The following CCDC57 variants were observed in gnomAD, a reference collection of about 807,000 sequenced individuals.
CCDC57 encodes coiled-coil domain-containing protein 57.
A neutral mutation model predicts 118.9 loss-of-function variants in CCDC57; 118 were observed. The observed-to-expected ratio is 0.99, with a 90% confidence interval of 0.86 to 1.16. The LOEUF (loss-of-function observed/expected upper bound fraction) is 1.16, where lower values mean the gene tolerates loss of function less well. Ranked by LOEUF, CCDC57 falls within the 50% of genes most tolerant of loss-of-function variation. The probability of loss-of-function intolerance (pLI) is 0.00; values close to 1 mark genes in which losing one functional copy is unlikely to be tolerated. For synonymous variants in CCDC57, 527 were observed against 532.9 expected, an observed-to-expected ratio of 0.99 and a Z score of 0.15; for missense variants, 1,300 against 1,320.7, an observed-to-expected ratio of 0.98 and a Z score of 0.24.
At chr17:82,149,335 T>C (rs1357311933) in intron 16 of CCDC57, among the ~76,000 whole-genome samples, 2 of 151,848 alleles carry the variant, frequency 1.3e-5, no homozygotes, top group Non-Finnish European at 2.9e-5. Flanking sequence ...GGTGGATGCA[T>C]GGAGGAACAG....
intron 2 of CCDC57, among the ~76,000 whole-genome samples, chr17:82,202,429 G>A (rs3935141): frequency 0.47 from 70,583 of 149,712 alleles, 17,231 homozygotes; most frequent in East Asian, 0.88. Flanking sequence ...GGGTGACAGA[G>A]CAAGACTCTC....
At chr17:82,206,994 T>C (rs1409749702) in intron 2 of CCDC57, among the ~76,000 whole-genome samples, 1 of 152,174 alleles carries the variant, frequency 6.6e-6, no homozygotes, top group Non-Finnish European at 1.5e-5. Flanking sequence ...AACCCCCTTT[T>C]TGCCTGGGGA....
intron 16 of CCDC57, among the ~76,000 whole-genome samples, chr17:82,141,957 C>T (rs185303612): frequency 1.3e-5 from 2 of 152,240 alleles, no homozygotes; most frequent in East Asian, 3.9e-4. Flanking sequence ...GATAGGCATG[C>T]GGATTCTGCC....
chr17:82,181,954 C>T (rs1475983142), intron 9 of CCDC57, among the ~76,000 whole-genome samples: 1 of 152,094 alleles, frequency 6.6e-6, no homozygotes, highest in Non-Finnish European at 1.5e-5. Flanking sequence ...CCTGTCTCTA[C>T]TAAAAATACA....
At chr17:82,189,185 C>T (rs766762512) in intron 7 of CCDC57, among the ~76,000 whole-genome samples, 30 of 151,818 alleles carry the variant, frequency 2.0e-4, no homozygotes, top group Non-Finnish European at 2.7e-4. Context: ...GGAGGACCAC[C>T]GGAGCGTGGG....
At chr17:82,135,366 T>C (rs1322354882) in intron 16 of CCDC57, 2 of 152,180 alleles carry the variant, frequency 1.3e-5, no homozygotes, top group Admixed American at 6.5e-5. Context: ...CCTCCCAAAG[T>C]GCTGGGAATA....
intron 3 of CCDC57, among the ~76,000 whole-genome samples, 155 bp downstream of exon 2, chr17:82,201,383 C>T (rs570141038): frequency 2.9e-4 from 44 of 152,374 alleles, no homozygotes; most frequent in African/African-American, 1.0e-3. Context: ...ACGAGGCACT[C>T]GGCCACTCAG....
At chr17:82,180,275 G>A (rs2046040046) in intron 9 of CCDC57, among the ~76,000 whole-genome samples, 1 of 152,168 alleles carries the variant, frequency 6.6e-6, no homozygotes, top group Admixed American at 6.5e-5. Context: ...AGCTGGGTGA[G>A]TCTGGAAGGG....
Position 82,131,207 on chromosome 17 carries a change from G to A in CCDC57, c.2578-2610C>T, listed in dbSNP as rs186007593. Among the ~76,000 whole-genome samples the A allele has an allele frequency of 1.7e-4, 25 of 147,516 alleles. 1 individual carries two copies. The highest frequency in any genetic ancestry group is 6.2e-4 in the African/African-American group (25 of 40,280). On this transcript the variant is annotated intron_variant, in intron 17 of 19. Coordinates refer to ENST00000665763, the Ensembl canonical transcript of CCDC57. ...GCACTTTGGGAGGCTGAGACAGGTG[G>A]ATTACTTGAGGTCAGGAGTTCGAGA...
chr17:82,102,235 G>A (rs986150421), intron 19 of CCDC57, among the ~76,000 whole-genome samples: 4 of 152,214 alleles, frequency 2.6e-5, no homozygotes, highest in African/African-American at 7.2e-5. Flanking sequence ...GGGGTAAATG[G>A]TTGACTCAAA....
intron 15 of CCDC57, 133 bp downstream of exon 14, chr17:82,157,615 C>G (rs554608262): frequency 6.9e-7 from 1 of 1,444,864 alleles, no homozygotes; most frequent in East Asian, 2.5e-5. Context: ...CTTCCAGGCA[C>G]GGCCTTCACT....
intron 3 of CCDC57, among the ~76,000 whole-genome samples, chr17:82,199,102 A>C (rs975333686): frequency 1.3e-4 from 20 of 152,182 alleles, no homozygotes; most frequent in African/African-American, 4.6e-4. Context: ...GGAATTCTTC[A>C]ACAAGGAAGC....
chr17:82,104,658 C>A (rs1453911074), intron 19 of CCDC57: 3 of 152,296 alleles, frequency 2.0e-5, no homozygotes, highest in Admixed American at 6.5e-5. Flanking sequence ...CCTGCCTCAG[C>A]CTCCCGAGTA....
exon 19 of CCDC57, chr17:82,127,786 G>A: frequency 6.2e-7 from 1 of 1,613,086 alleles, no homozygotes; most frequent in Non-Finnish European, 8.5e-7. Flanking sequence ...TGGCAAAGGA[G>A]GAGGAGCTGT....
exon 15 of CCDC57, chr17:82,157,814 G>A (rs372338935): frequency 8.3e-5 from 134 of 1,604,956 alleles, no homozygotes; most frequent in Non-Finnish European, 1.1e-4. Context: ...CCGCTCCCCC[G>A]TGCTGGGCTA....
chr17:82,183,791 G>C, exon 9 of CCDC57: 1 of 1,569,474 alleles, frequency 6.4e-7, no homozygotes. Context: ...TGTCCTGCTG[G>C]GATCGGGCCA....
intron 13 of CCDC57, among the ~76,000 whole-genome samples, chr17:82,169,866 C>G (rs955409517): frequency 3.3e-5 from 5 of 152,184 alleles, no homozygotes; most frequent in African/African-American, 9.6e-5. Context: ...GAAATTAAGA[C>G]CTTCCATTCA....
intron 5 of CCDC57, 175 bp from the exon 5 acceptor site, chr17:82,194,314 T>TTG (rs2048037927): frequency 1.5e-6 from 1 of 650,030 alleles, no homozygotes; most frequent in East Asian, 2.9e-5. Context: ...AATGACTTTT[T>TTG]TTTTTTTCTT....
intron 19 of CCDC57, among the ~76,000 whole-genome samples, chr17:82,104,194 C>T (rs1242181562): frequency 6.6e-6 from 1 of 152,250 alleles, no homozygotes; most frequent in Non-Finnish European, 1.5e-5. Flanking sequence ...CTCGCCTGAC[C>T]TGTTTTGCCG....
Sources: allele counts gnomAD v4.1 joint callset (sites outside exome capture counted in the v4.1 genomes callset), GRCh38; gene constraint gnomAD v4.1.1; transcripts MANE v1.5; gene names NCBI Gene and HGNC (gene_info 2026-07-23, HGNC 2026-07-21).